The following HMG20B variants were observed in gnomAD, a reference collection of about 807,000 sequenced individuals.
The protein encoded by HMG20B is SWI/SNF-related matrix-associated actin-dependent regulator of chromatin subfamily E member 1-related.
A neutral mutation model predicts 41.6 loss-of-function variants in HMG20B; 24 were observed. That is an observed-to-expected ratio of 0.58 (90% CI 0.42 to 0.81). The LOEUF (loss-of-function observed/expected upper bound fraction) is 0.81. Ranked by LOEUF, HMG20B falls within the 30% of genes least tolerant of loss-of-function variation. The pLI is 0.00. For missense variants in HMG20B, 461 were observed against 444.0 expected (o/e 1.04, Z -0.34); for synonymous variants, 251 against 186.6 (o/e 1.34, Z -2.81).
At chr19:3,577,151 C>T in intron 8 of HMG20B, 44 bp downstream of exon 8, 1 of 1,194,078 alleles carries the variant, frequency 8.4e-7, no homozygotes. Flanking sequence ...GGTCACCCGG[C>T]CCCGCCCGCC....
intron 9 of HMG20B, 183 bp downstream of exon 9, chr19:3,578,296 C>CGGGCCGGCGG: frequency 1.8e-6 from 2 of 1,122,044 alleles, no homozygotes; most frequent in Non-Finnish European, 1.2e-6. Flanking sequence ...TGGAGAACCC[C>CGGGCCGGCGG]GGGCCGGCGG....
chr19:3,576,839 G>A (rs371489697), intron 7 of HMG20B, 53 bp from the exon 8 acceptor site: 7 of 1,537,208 alleles, frequency 4.6e-6, no homozygotes, highest in Non-Finnish European at 5.3e-6. Context: ...GCAAAAGCCC[G>A]GAGGTAGGGG....
At chr19:3,574,988 A>C (rs952673464) in intron 4 of HMG20B, among the ~76,000 whole-genome samples, 2 of 152,114 alleles carry the variant, frequency 1.3e-5, no homozygotes, top group South Asian at 2.1e-4. Context: ...CAAAGTATTG[A>C]TATTAAAGGC....
Position 3,578,708 on chromosome 19 carries a change from G to A in HMG20B, c.*187G>A. 1.2e-6 allele frequency: 1 copy of A among 857,508 alleles called. No individual in the cohort carries two copies. Among genetic ancestry groups the A allele is most frequent in the South Asian group, 1.4e-5 (1 of 70,500 alleles). The allele number at this position is 857,508 out of a possible 1,614,324, so 53.1% of individuals were successfully genotyped here. A position where few individuals can be genotyped will look rare whatever the true frequency, so the allele number is the denominator to read the frequency against. On this transcript the variant is annotated 3_prime_UTR_variant, in exon 10 of 10. Coordinates refer to ENST00000333651, the MANE Select transcript of HMG20B (RefSeq NM_006339.3). ...TAGCTTTCAATCTCCCCAGCCCCCT[G>A]AACCCGGAAAAAGCACTCGCTGCGC...
At chr19:3,574,355 C>CT (rs1211763509) in intron 3 of HMG20B, 28 bp from the exon 4 acceptor site, 1 of 1,555,052 alleles carries the variant, frequency 6.4e-7, no homozygotes, top group Non-Finnish European at 8.7e-7. Context: ...CCAGGCCCCC[C>CT]TCCCAACGAC....
chr19:3,573,463 G>T, intron 2 of HMG20B, 116 bp downstream of exon 2: 2 of 1,172,124 alleles, frequency 1.7e-6, no homozygotes, highest in East Asian at 3.0e-5. Flanking sequence ...CCTGGGTCAG[G>T]GGGCTTCTCC....
Position 3,578,719 on chromosome 19 carries a change from A to C in HMG20B, c.*198A>C, listed in dbSNP as rs1249746334. On this transcript the variant is annotated 3_prime_UTR_variant, in exon 10 of 10. Coordinates refer to ENST00000333651, the MANE Select transcript of HMG20B (RefSeq NM_006339.3). Reference sequence around the variant, plus strand: ...CTCCCCAGCCCCCTGAACCCGGAAAAAGCACTCGCTGCGCGATACACCCAG... The same window carrying C: ...CTCCCCAGCCCCCTGAACCCGGAAACAGCACTCGCTGCGCGATACACCCAG... The C allele has an allele frequency of 6.2e-6, 5 of 810,836 alleles. 1 individual carries two copies. Among genetic ancestry groups the C allele is most frequent in the South Asian group, 5.7e-5 (4 of 70,250 alleles). The allele number at this position is 810,836 out of a possible 1,614,324, so 50.2% of individuals were successfully genotyped here. A position where few individuals can be genotyped will look rare whatever the true frequency, so the allele number is the denominator to read the frequency against.
intron 2 of HMG20B, 120 bp from the exon 3 acceptor site, chr19:3,573,569 GCCT>G (rs1416633118): frequency 1.0e-6 from 1 of 972,560 alleles, no homozygotes; most frequent in East Asian, 3.0e-5. Context: ...ATCAGACCCT[GCCT>G]CCTCGGGCTC....
In HMG20B at chr19:3,574,397, C is replaced by T. The variant is rs760416634; in HGVS notation, c.162C>T (p.Arg54=). ...GSHEEEPVKK[R]GWPKGKKRKK... is the part of the protein sequence containing the mutation. The stretch of plus-strand genomic sequence containing the variant: ...CGGTTCTGCAGCCGGTGAAGAAACG[C>T]GGCTGGCCCAAGGGCAAGAAGCGGA... The change falls in exon 4 of 10, where the codon CGC becomes CGT. Residue 54 remains arginine (R), a synonymous_variant. Transcript: ENST00000333651. The T allele has an allele frequency of 3.8e-6, 6 of 1,594,204 alleles. No individual in the cohort carries two copies. The highest frequency in any genetic ancestry group is 1.3e-5 in the African/African-American group (1 of 74,638).
intron 1 of HMG20B, 31 bp from the exon 2 acceptor site, chr19:3,573,261 C>T (rs2032080379): frequency 6.6e-7 from 1 of 1,505,962 alleles, no homozygotes; most frequent in African/African-American, 1.4e-5. Context: ...AGCCCGGGCG[C>T]TACTCACCTC....
intron 2 of HMG20B, 50 bp downstream of exon 2, chr19:3,573,397 G>T: frequency 6.7e-7 from 1 of 1,481,742 alleles, no homozygotes. Context: ...CCCGGCTGCA[G>T]CCCTAGCTCC....
At chr19:3,574,703 AC>A in intron 4 of HMG20B, 117 bp downstream of exon 4, 2 of 860,616 alleles carry the variant, frequency 2.3e-6, no homozygotes, top group African/African-American at 1.8e-5. Flanking sequence ...AGAAATGCCC[AC>A]CCATAACCAA....
rs1176864143 is a variant in HMG20B at position 3,578,813 on chromosome 19, C to CACGGG, written c.*292_*293insACGGG. 2.9e-6 allele frequency: 2 copies of CACGGG among 700,348 alleles called. No homozygotes were observed. Among genetic ancestry groups the CACGGG allele is most frequent in the Non-Finnish European group, 5.2e-6 (2 of 381,410 alleles). 43.4% of individuals were successfully genotyped at this position (700,348 alleles called of 1,614,324 possible). A position where few individuals can be genotyped will look rare whatever the true frequency, so the allele number is the denominator to read the frequency against. On this transcript the variant is annotated 3_prime_UTR_variant, in exon 10 of 10. Coordinates refer to ENST00000333651, the MANE Select transcript of HMG20B (RefSeq NM_006339.3). ...CGCGCTACACTGGCTCTCCGGGCCA[C>CACGGG]CCCCAGGACACAGGGCAGACGAAAC...
chr19:3,575,918 A>C, intron 5 of HMG20B: 1 of 444,522 alleles, frequency 2.2e-6, no homozygotes, highest in Non-Finnish European at 4.0e-6. Context: ...CACTCTAGCC[A>C]GGGCGACAGG....
chr19:3,578,557 T>C lies in HMG20B; in HGVS notation c.*36T>C, dbSNP rs1353750673. On this transcript the variant is annotated 3_prime_UTR_variant, in exon 10 of 10. Transcript: ENST00000333651. ...GGCCCACGATGCAGAGGAGAAGCTG[T>C]GGGCGCGGCCCTGCCACACCCCACC... The C allele has an allele frequency of 1.9e-6, 3 of 1,560,526 alleles. No homozygotes were observed. The highest frequency in any genetic ancestry group is 3.8e-5 in the Admixed American group (2 of 52,176).
At position 3,577,962 on chromosome 19, in the gene HMG20B, C is replaced by T. The variant is rs1404477423; in HGVS notation, c.809-19C>T. On this transcript the variant is annotated intron_variant, in intron 8 of 9. Transcript: ENST00000333651. ...CGACTCCCCGGCACCCTCGCCTGAC[C>T]TTCCCGCCTGTCCCCCAGGCACGGG... 6 of 1,574,410 alleles carry T rather than the reference C, an allele frequency of 3.8e-6. No individual in the cohort carries two copies. The highest frequency in any genetic ancestry group is 5.2e-6 in the Non-Finnish European group (6 of 1,164,348).
Position 3,575,675 on chromosome 19 carries a change from G to A in HMG20B, c.472+15G>A. The A allele has an allele frequency of 6.5e-7, 1 of 1,545,044 alleles. No individual in the cohort carries two copies. ...GATCAAGAAAGGTGGGAGGGGTCGGGCGCGGTGGCTCACGCCTGTCATCCC... is the reference window on the plus strand; with the variant it reads ...GATCAAGAAAGGTGGGAGGGGTCGGACGCGGTGGCTCACGCCTGTCATCCC... On this transcript the variant is annotated intron_variant, in intron 5 of 9. Transcript: ENST00000333651.
chr19:3,573,254 C>T, intron 1 of HMG20B, 38 bp from the exon 2 acceptor site: 1 of 1,492,990 alleles, frequency 6.7e-7, no homozygotes, highest in South Asian at 1.2e-5. Context: ...ATCGGGCAGC[C>T]CGGGCGCTAC....
At chr19:3,573,495 C>T in intron 2 of HMG20B, 148 bp downstream of exon 2, 1 of 953,676 alleles carries the variant, frequency 1.0e-6, no homozygotes, top group Non-Finnish European at 1.5e-6. Context: ...TCTGCACCCC[C>T]CACCTCGGCC....
Sources: allele counts gnomAD v4.1 joint callset (sites outside exome capture counted in the v4.1 genomes callset), GRCh38; gene constraint gnomAD v4.1.1; transcripts MANE v1.5; gene names NCBI Gene and HGNC (gene_info 2026-07-23, HGNC 2026-07-21).